The following CD46 variants were observed in gnomAD, a reference collection of about 807,000 sequenced individuals.
The protein encoded by CD46 is membrane cofactor protein.
Under a neutral mutation model 53.3 loss-of-function variants are expected in CD46, and 30 were observed. The ratio of observed to expected loss-of-function variants is 0.56; its 90% CI spans 0.42 to 0.76. The LOEUF (loss-of-function observed/expected upper bound fraction) is 0.76. Ranked by LOEUF, CD46 falls within the 30% of genes least tolerant of loss-of-function variation. The probability of loss-of-function intolerance (pLI) is 0.00; values close to 1 mark genes in which losing one functional copy is unlikely to be tolerated. For synonymous variants in CD46, 142 were observed against 152.0 expected (o/e 0.93, Z 0.48); for missense variants, 409 against 463.0 (o/e 0.88, Z 1.07).
At chr1:207,775,810 G>T (rs1298608640) in intron 8 of CD46, among the ~76,000 whole-genome samples, 1 of 152,202 alleles carries the variant, frequency 6.6e-6, no homozygotes, top group Non-Finnish European at 1.5e-5. Flanking sequence ...TCCCAGTCAG[G>T]CTACATGGGT....
intron 6 of CD46, 31 bp from the exon 7 acceptor site, chr1:207,767,748 G>T (rs771223513): frequency 3.0e-5 from 48 of 1,607,434 alleles, no homozygotes; most frequent in Non-Finnish European, 2.3e-5. Context: ...CAAGTGTTTG[G>T]TCCAATCTAC....
intron 4 of CD46, 21 bp downstream of exon 4, chr1:207,759,745 TA>T: frequency 6.9e-7 from 1 of 1,448,292 alleles, no homozygotes; most frequent in Non-Finnish European, 9.7e-7. Flanking sequence ...TCTTTTTTTT[TA>T]AATTTAGACC....
At chr1:207,754,798 A>G (rs1655333453) in intron 1 of CD46, among the ~76,000 whole-genome samples, 1 of 151,716 alleles carries the variant, frequency 6.6e-6, no homozygotes, top group African/African-American at 2.4e-5. Flanking sequence ...TAAAACGTTC[A>G]TTTTGAAGGA....
At chr1:207,759,574 C>T (rs1185157218) in intron 3 of CD46, 65 bp from the exon 4 acceptor site, 10 of 895,124 alleles carry the variant, frequency 1.1e-5, no homozygotes, top group Non-Finnish European at 1.8e-5. Context: ...TAAAAAATTC[C>T]TTCATTATTA....
At chr1:207,772,610 G>T (rs966262859) in intron 8 of CD46, among the ~76,000 whole-genome samples, 2 of 152,158 alleles carry the variant, frequency 1.3e-5, no homozygotes, top group Non-Finnish European at 2.9e-5. Context: ...TTAGCATGAA[G>T]GGCTGTTGAA....
intron 1 of CD46, among the ~76,000 whole-genome samples, chr1:207,753,312 AAAGCTT>A (rs1228411551): frequency 6.6e-6 from 1 of 152,238 alleles, no homozygotes; most frequent in East Asian, 1.9e-4. Flanking sequence ...CTCATAAGCT[AAAGCTT>A]AAGGCCTATC....
intron 8 of CD46, among the ~76,000 whole-genome samples, chr1:207,783,088 G>A (rs1658932860): frequency 1.3e-5 from 2 of 151,986 alleles, no homozygotes; most frequent in Admixed American, 1.3e-4. Flanking sequence ...GAAGAAGAAA[G>A]ATTATGACAT....
rs937811512 is a variant in CD46 at position 207,770,417 on chromosome 1, A to T, written c.943+55A>T. The T allele has an allele frequency of 8.0e-6, 10 of 1,252,786 alleles. No individual in the cohort carries two copies. In the Admixed American group the frequency reaches 1.7e-4, roughly 21 times the overall value. 77.6% of individuals were successfully genotyped at this position (1,252,786 alleles called of 1,614,324 possible). On this transcript the variant is annotated intron_variant, in intron 8 of 12. Transcript: ENST00000367042. The stretch of plus-strand genomic sequence containing the variant: ...GTTAAGAATTTATTTATTTATTTTT[A>T]TTATACTTTAAGCTCTAGGGTATGT...
intron 7 of CD46, chr1:207,768,125 A>G (rs1657070281): frequency 9.2e-6 from 3 of 326,074 alleles, no homozygotes; most frequent in African/African-American, 2.1e-5. Flanking sequence ...TTAGTAAGGT[A>G]TAAGTGGGAT....
At chr1:207,774,007 G>T (rs183435689) in intron 8 of CD46, among the ~76,000 whole-genome samples, 100 of 152,284 alleles carry the variant, frequency 6.6e-4, no homozygotes, top group African/African-American at 2.4e-3. Flanking sequence ...TTATTATTGT[G>T]TGGGAGTCTA....
At chr1:207,770,831 T>C (rs1184086036) in intron 8 of CD46, among the ~76,000 whole-genome samples, 3 of 152,226 alleles carry the variant, frequency 2.0e-5, no homozygotes, top group South Asian at 4.1e-4. Context: ...GTTCCAAGTC[T>C]TTGCTATTGT....
At chr1:207,783,434 G>T (rs1362152948) in intron 9 of CD46, 104 bp downstream of exon 9, 20 of 752,668 alleles carry the variant, frequency 2.7e-5, no homozygotes, top group Non-Finnish European at 4.6e-5. Context: ...GGTAGGGTAA[G>T]ATAACTTTCT....
chr1:207,766,005 A>G (rs1201287748), intron 5 of CD46, among the ~76,000 whole-genome samples: 1 of 152,244 alleles, frequency 6.6e-6, no homozygotes, highest in Non-Finnish European at 1.5e-5. Context: ...AGCAACACAA[A>G]TGAATTTTGA....
rs187068552 is a variant in CD46, at chr1:207,777,380, G to A, written c.944-5912G>A. 4.6e-5 allele frequency among the ~76,000 whole-genome samples: 7 copies of A among 152,178 alleles called. No individual in the cohort carries two copies. In the East Asian group the frequency reaches 1.3e-3, roughly 29 times the overall value. On this transcript the variant is annotated intron_variant, in intron 8 of 12. Coordinates refer to ENST00000367042, the MANE Select transcript of CD46 (RefSeq NM_172351.3). ...GATTTGGGGGTACAGGTGAAGGTTT[G>A]TTACATAAGTAAACGTGTCACAGGG...
Position 207,761,647 on chromosome 1 carries a change from T to C in CD46, c.673+201T>C, listed in dbSNP as rs545931205. 2.6e-5 allele frequency among the ~76,000 whole-genome samples: 4 copies of C among 152,226 alleles called. No individual in the cohort carries two copies. The East Asian group carries it at 5.8e-4, about 22-fold the overall frequency. Reference sequence around the variant, plus strand: ...CCCTATTTCTCACCCCTACATGTTCTTGGCATTTCATTTTATACAGTGTGA... The same window carrying C: ...CCCTATTTCTCACCCCTACATGTTCCTGGCATTTCATTTTATACAGTGTGA... On this transcript the variant is annotated intron_variant, in intron 5 of 12. Transcript: ENST00000367042.
intron 2 of CD46, 32 bp from the exon 3 acceptor site, chr1:207,757,508 G>A: frequency 1.5e-6 from 2 of 1,367,504 alleles, no homozygotes; most frequent in Non-Finnish European, 2.1e-6. Flanking sequence ...TTTATAACTG[G>A]ATTGAAAACT....
chr1:207,757,640 G>C lies in CD46; in HGVS notation c.387G>C (p.Glu129Asp). 1 of 1,586,030 alleles carries C rather than the reference G, an allele frequency of 6.3e-7. No homozygotes were observed. The highest frequency in any genetic ancestry group is 1.1e-5 in the South Asian group (1 of 89,722). ...FGYQMHFICN[E>D]GYYLIGEEIL... ...ATCAGATGCACTTTATTTGTAATGA[G>C]GGGTAAGTTGCTCCTTAGAGGAAAT... Residue 129 changes from glutamate (E) to aspartate (D), a missense_variant and splice_region_variant, in exon 3 of 13, where the codon GAG becomes GAC. Transcript: ENST00000367042.
intron 8 of CD46, among the ~76,000 whole-genome samples, chr1:207,776,952 ATT>A (rs951383475): frequency 3.3e-5 from 5 of 152,048 alleles, no homozygotes; most frequent in Non-Finnish European, 5.9e-5. Flanking sequence ...CATTTCTTTA[ATT>A]ATCAGTGAAT....
chr1:207,789,297 T>C (rs556878611), intron 11 of CD46, among the ~76,000 whole-genome samples: 2 of 152,358 alleles, frequency 1.3e-5, no homozygotes, highest in South Asian at 2.1e-4. Flanking sequence ...GTATTTATTA[T>C]TTTGTATAAC....
Sources: allele counts gnomAD v4.1 joint callset (sites outside exome capture counted in the v4.1 genomes callset), GRCh38; gene constraint gnomAD v4.1.1; transcripts MANE v1.5; gene names NCBI Gene and HGNC (gene_info 2026-07-23, HGNC 2026-07-21).